The following GALNTL6 variants were observed in gnomAD, a reference collection of about 807,000 sequenced individuals.
GALNTL6 encodes the protein polypeptide N-acetylgalactosaminyltransferase like 6, also known as polypeptide N-acetylgalactosaminyltransferase-like 6.
Under a neutral mutation model 73.7 loss-of-function variants are expected in GALNTL6, and 46 were observed. The ratio of observed to expected loss-of-function variants is 0.62; its 90% confidence interval spans 0.49 to 0.80. The LOEUF is 0.80. Among genes scored for constraint, GALNTL6 ranks in the 30% least tolerant of loss-of-function variants. The pLI is 0.00. For missense variants in GALNTL6, 604 were observed against 755.0 expected, an observed-to-expected ratio of 0.80 and a Z score of 2.34; for synonymous variants, 259 against 263.7, an observed-to-expected ratio of 0.98 and a Z score of 0.17.
chr4:172,140,115 C>T (rs1015273279), intron 2 of GALNTL6, among the ~76,000 whole-genome samples: 1 of 152,006 alleles, frequency 6.6e-6, no homozygotes, highest in African/African-American at 2.4e-5. Context: ...ATAATCCCAA[C>T]AAACCTCATA....
At chr4:171,916,469 A>T (rs1307331047) in intron 2 of GALNTL6, among the ~76,000 whole-genome samples, 1 of 152,126 alleles carries the variant, frequency 6.6e-6, no homozygotes, top group African/African-American at 2.4e-5. Flanking sequence ...AATGCATTGG[A>T]ATAAATCATT....
At chr4:171,938,226 C>T (rs1046048255) in intron 2 of GALNTL6, among the ~76,000 whole-genome samples, 1 of 152,074 alleles carries the variant, frequency 6.6e-6, no homozygotes, top group East Asian at 1.9e-4. Context: ...CAGTCTCCAG[C>T]CCAAGGGAAT....
intron 2 of GALNTL6, among the ~76,000 whole-genome samples, chr4:171,880,608 C>A (rs1018045625): frequency 6.6e-6 from 1 of 151,998 alleles, no homozygotes; most frequent in African/African-American, 2.4e-5. Context: ...ACAACACTCA[C>A]AAGATGACAA....
intron 2 of GALNTL6, among the ~76,000 whole-genome samples, chr4:171,863,704 C>A (rs1735898270): frequency 6.6e-6 from 1 of 151,556 alleles, no homozygotes. Flanking sequence ...GTGAAAACTC[C>A]TAGTAGGACA....
chr4:172,610,644 A>T (rs1266168052), intron 5 of GALNTL6, among the ~76,000 whole-genome samples: 1 of 152,024 alleles, frequency 6.6e-6, no homozygotes, highest in East Asian at 1.9e-4. Context: ...TATGCAGGTG[A>T]TTAGACTGTA....
At chr4:172,108,788 G>C (rs1230393750) in intron 2 of GALNTL6, among the ~76,000 whole-genome samples, 1 of 151,996 alleles carries the variant, frequency 6.6e-6, no homozygotes, top group Admixed American at 6.6e-5. Flanking sequence ...GAGGCAGGCG[G>C]AACACCTGAG....
intron 12 of GALNTL6, among the ~76,000 whole-genome samples, chr4:173,025,264 G>GTAA (rs1561093802): frequency 1.3e-5 from 2 of 152,160 alleles, no homozygotes; most frequent in Non-Finnish European, 2.9e-5. Flanking sequence ...ACCACCAGGG[G>GTAA]GACCCCTGTT....
intron 7 of GALNTL6, among the ~76,000 whole-genome samples, chr4:172,878,403 G>A (rs1198828072): frequency 1.7e-4 from 26 of 151,596 alleles, no homozygotes; most frequent in Admixed American, 1.7e-3. Context: ...AAAGTTAATT[G>A]GCCAATTAAA....
At chr4:172,044,581 A>G (rs1331066551) in intron 2 of GALNTL6, among the ~76,000 whole-genome samples, 1 of 151,996 alleles carries the variant, frequency 6.6e-6, no homozygotes, top group Non-Finnish European at 1.5e-5. Context: ...ATTATATTGT[A>G]CTACTATTCA....
intron 2 of GALNTL6, among the ~76,000 whole-genome samples, chr4:172,000,056 G>T (rs546143347): frequency 6.6e-6 from 1 of 152,064 alleles, no homozygotes; most frequent in African/African-American, 2.4e-5. Flanking sequence ...CAGCATATAC[G>T]GAGTATGAGT....
At chr4:172,565,659 G>T (rs1001732349) in intron 5 of GALNTL6, among the ~76,000 whole-genome samples, 2 of 152,118 alleles carry the variant, frequency 1.3e-5, no homozygotes, top group Non-Finnish European at 2.9e-5. Flanking sequence ...GATTTTTTCA[G>T]TAGAGTATGA....
At chr4:172,051,584 AGAC>A (rs1322009237) in intron 2 of GALNTL6, among the ~76,000 whole-genome samples, 2 of 152,074 alleles carry the variant, frequency 1.3e-5, no homozygotes, top group African/African-American at 4.8e-5. Context: ...TTCAGCATTC[AGAC>A]GTTCCTTTTC....
intron 5 of GALNTL6, among the ~76,000 whole-genome samples, chr4:172,566,785 C>A (rs1193815132): frequency 2.0e-5 from 3 of 151,366 alleles, no homozygotes; most frequent in Non-Finnish European, 4.4e-5. Flanking sequence ...TTTAGCTAGA[C>A]TAGGAAAAAA....
At chr4:172,714,816 A>G (rs1437340015) in intron 5 of GALNTL6, among the ~76,000 whole-genome samples, 1 of 152,072 alleles carries the variant, frequency 6.6e-6, no homozygotes, top group Non-Finnish European at 1.5e-5. Flanking sequence ...GGGCTATGCC[A>G]TCTTAGAAGA....
intron 5 of GALNTL6, among the ~76,000 whole-genome samples, chr4:172,544,022 T>G (rs111387461): frequency 6.6e-6 from 1 of 152,314 alleles, no homozygotes; most frequent in African/African-American, 2.4e-5. Context: ...AGTAAAGACA[T>G]GCCCGAGAGG....
intron 5 of GALNTL6, among the ~76,000 whole-genome samples, chr4:172,803,319 C>T (rs952088900): frequency 1.3e-5 from 2 of 152,194 alleles, no homozygotes; most frequent in Admixed American, 6.5e-5. Flanking sequence ...TCAGCAGTGC[C>T]ATTAGATTCT....
intron 2 of GALNTL6, among the ~76,000 whole-genome samples, chr4:171,922,951 A>T (rs1209771689): frequency 6.6e-6 from 1 of 152,158 alleles, no homozygotes; most frequent in East Asian, 1.9e-4. Flanking sequence ...AATTGTATTT[A>T]CTTACTCCAA....
At chr4:172,421,884 A>AT (rs1731062610) in intron 5 of GALNTL6, among the ~76,000 whole-genome samples, 1 of 152,080 alleles carries the variant, frequency 6.6e-6, no homozygotes, top group Non-Finnish European at 1.5e-5. Context: ...CTTTGTTGTT[A>AT]TTTGAAAGGC....
intron 5 of GALNTL6, among the ~76,000 whole-genome samples, chr4:172,631,781 A>C (rs977269134): frequency 6.6e-6 from 1 of 152,348 alleles, no homozygotes; most frequent in African/African-American, 2.4e-5. Context: ...TGAATATAAA[A>C]GGGATAGGTA....
Sources: allele counts gnomAD v4.1 joint callset (sites outside exome capture counted in the v4.1 genomes callset), GRCh38; gene constraint gnomAD v4.1.1; transcripts MANE v1.5; gene names NCBI Gene and HGNC (gene_info 2026-07-23, HGNC 2026-07-21).